ANAPC7: variants seen among roughly 807,000 people sequenced by gnomAD.
ANAPC7 encodes the protein anaphase promoting complex subunit 7.
ANAPC7 carries 25 observed loss-of-function variants against 63.3 expected under a neutral mutation model. The observed-to-expected ratio is 0.39, with a 90% CI of 0.29 to 0.55. ANAPC7 has a LOEUF of 0.55. Among genes scored for constraint, ANAPC7 ranks in the 20% least tolerant of loss-of-function variants. The probability of loss-of-function intolerance (pLI) is 0.57; values close to 1 mark genes in which losing one functional copy is unlikely to be tolerated. For synonymous variants in ANAPC7, 241 were observed against 251.7 expected (o/e 0.96, Z 0.40); for missense variants, 516 against 691.7 (o/e 0.75, Z 2.85).
chr12:110,395,256 T>C, intron 2 of ANAPC7, 36 bp from the exon 3 acceptor site: 1 of 1,589,674 alleles, frequency 6.3e-7, no homozygotes, highest in Non-Finnish European at 8.6e-7. Flanking sequence ...TGAAACGTTA[T>C]TCCAACAATA....
intron 3 of ANAPC7, among the ~76,000 whole-genome samples, chr12:110,391,644 G>T (rs1489491499): frequency 1.3e-5 from 2 of 152,072 alleles, no homozygotes; most frequent in Non-Finnish European, 2.9e-5. Flanking sequence ...TAAGAATGAT[G>T]GCAATGAAAA....
intron 7 of ANAPC7, among the ~76,000 whole-genome samples, chr12:110,382,457 A>ATACATATAT: frequency 1.5e-5 from 1 of 65,232 alleles, no homozygotes; most frequent in Admixed American, 2.1e-4. Context: ...AAAAAAAAAA[A>ATACATATAT]AAAAATATAT....
intron 3 of ANAPC7, among the ~76,000 whole-genome samples, chr12:110,392,363 G>C (rs1173062849): frequency 6.7e-6 from 1 of 148,510 alleles, no homozygotes; most frequent in Non-Finnish European, 1.5e-5. Flanking sequence ...ACCTTAATAT[G>C]AGGAGGTGCT....
rs1880970374 is a variant in ANAPC7 at position 110,373,085 on chromosome 12, G to A, written c.*1059C>T. 6.6e-6 allele frequency: 1 copy of A among 151,896 alleles called. No homozygotes were observed. The highest frequency in any genetic ancestry group is 1.5e-5 in the Non-Finnish European group (1 of 67,998). The allele number at this position is 151,896 out of a possible 1,614,324, so 9.4% of individuals were successfully genotyped here. The stretch of plus-strand genomic sequence containing the variant: ...ACCCACCCCTCACCTCCGATTAATT[G>A]TATACTCAGAGCCATCGCAACTTAA... On this transcript the variant is annotated 3_prime_UTR_variant, in exon 11 of 11. Coordinates refer to ENST00000455511, the MANE Select transcript of ANAPC7 (RefSeq NM_016238.3).
At chr12:110,394,320 A>C (rs35026231) in intron 3 of ANAPC7, among the ~76,000 whole-genome samples, 10 of 151,370 alleles carry the variant, frequency 6.6e-5, no homozygotes, top group African/African-American at 2.4e-4. Context: ...GTGGAACCTT[A>C]TCTCTACCAA....
chr12:110,373,414 A>C lies in ANAPC7; in HGVS notation c.*730T>G, dbSNP rs1024332467. ...TCTGGGGCTGAATCAATGCATTGCG[A>C]ATAAGACAAAAATACTAAGAGTCTA... On this transcript the variant is annotated 3_prime_UTR_variant, in exon 11 of 11. Coordinates refer to ENST00000455511, the MANE Select transcript of ANAPC7 (RefSeq NM_016238.3). 2.6e-5 allele frequency: 4 copies of C among 152,192 alleles called. No individual in the cohort carries two copies. The highest frequency in any genetic ancestry group is 5.9e-5 in the Non-Finnish European group (4 of 68,040). 9.4% of individuals were successfully genotyped at this position (152,192 alleles called of 1,614,324 possible). A position where few individuals can be genotyped will look rare whatever the true frequency, so the allele number is the denominator to read the frequency against.
intron 6 of ANAPC7, among the ~76,000 whole-genome samples, chr12:110,383,719 T>C (rs935325147): frequency 2.7e-5 from 4 of 146,232 alleles, no homozygotes; most frequent in African/African-American, 1.0e-4. Context: ...CTACTAAAAA[T>C]ACAAAAATTA....
chr12:110,388,762 G>A (rs760079349), intron 3 of ANAPC7, 139 bp from the exon 4 acceptor site: 16 of 647,880 alleles, frequency 2.5e-5, no homozygotes, highest in Non-Finnish European at 4.0e-5. Flanking sequence ...GCAAATAAAG[G>A]CAGACTGACC....
chr12:110,379,416 C>T (rs888184635), intron 8 of ANAPC7, among the ~76,000 whole-genome samples: 1 of 152,204 alleles, frequency 6.6e-6, no homozygotes, highest in African/African-American at 2.4e-5. Context: ...CACTGGCCAA[C>T]TGGGAAACAT....
intron 3 of ANAPC7, among the ~76,000 whole-genome samples, chr12:110,389,795 G>T (rs537132490): frequency 6.6e-6 from 1 of 151,942 alleles, no homozygotes; most frequent in Non-Finnish European, 1.5e-5. Context: ...AGCTGGGCGT[G>T]GTGGCGGGCG....
chr12:110,375,054 T>C (rs535737917), intron 10 of ANAPC7, among the ~76,000 whole-genome samples: 1 of 152,316 alleles, frequency 6.6e-6, no homozygotes, highest in South Asian at 2.1e-4. Flanking sequence ...AATGGAAGTC[T>C]GATATTTTAT....
intron 3 of ANAPC7, among the ~76,000 whole-genome samples, chr12:110,389,845 T>C (rs1882949753): frequency 6.6e-6 from 1 of 150,894 alleles, no homozygotes; most frequent in Non-Finnish European, 1.5e-5. Context: ...GGAAGGAGAA[T>C]GACGTGAACC....
intron 8 of ANAPC7, among the ~76,000 whole-genome samples, chr12:110,379,864 G>A (rs1406734782): frequency 1.3e-5 from 2 of 152,190 alleles, no homozygotes; most frequent in Non-Finnish European, 2.9e-5. Context: ...AACTGGCACA[G>A]CTCCTTTGAA....
At chr12:110,396,945 T>C (rs572874792) in intron 1 of ANAPC7, among the ~76,000 whole-genome samples, 2 of 152,198 alleles carry the variant, frequency 1.3e-5, no homozygotes, top group East Asian at 3.9e-4. Context: ...GGCTTACGCC[T>C]GTAATCCCAG....
rs1436045137 is a variant in ANAPC7, at chr12:110,375,434, TAC to T, written c.1508+630_1508+631del. 7.1e-6 allele frequency: 7 copies of T among 985,282 alleles called. No homozygotes were observed. In the African/African-American group the frequency reaches 1.2e-4, roughly 17 times the overall value. 61.0% of individuals were successfully genotyped at this position (985,282 alleles called of 1,614,324 possible). On this transcript the variant is annotated intron_variant, in intron 10 of 10. Coordinates refer to ENST00000455511, the MANE Select transcript of ANAPC7 (RefSeq NM_016238.3). ...TAAAGACAGCCCTTCACCATAACCT[TAC>T]AGACACACAGACAACCCTCAAAGAA...
chr12:110,400,909 G>A (rs1387654575), intron 1 of ANAPC7, among the ~76,000 whole-genome samples: 1 of 151,870 alleles, frequency 6.6e-6, no homozygotes, highest in Non-Finnish European at 1.5e-5. Context: ...AATTAGCTGG[G>A]CGTGGTGGTG....
chr12:110,390,218 G>A (rs868582271), intron 3 of ANAPC7, among the ~76,000 whole-genome samples: 4 of 151,664 alleles, frequency 2.6e-5, no homozygotes, highest in East Asian at 3.9e-4. Context: ...ACAGGCACCC[G>A]CCACCACGCC....
intron 10 of ANAPC7, chr12:110,375,565 A>T: frequency 1.2e-6 from 1 of 808,812 alleles, no homozygotes; most frequent in Non-Finnish European, 1.5e-6. Context: ...TTTAACCCTC[A>T]TTCGATCATT....
chr12:110,395,848 T>C (rs1034128745), intron 2 of ANAPC7, among the ~76,000 whole-genome samples: 62 of 152,160 alleles, frequency 4.1e-4, no homozygotes, highest in African/African-American at 1.4e-3. Context: ...TCTGGCCTCA[T>C]CTTCTACATC....
Sources: allele counts gnomAD v4.1 joint callset (sites outside exome capture counted in the v4.1 genomes callset), GRCh38; gene constraint gnomAD v4.1.1; transcripts MANE v1.5; gene names NCBI Gene and HGNC (gene_info 2026-07-23, HGNC 2026-07-21).